NLRP14: variants seen among roughly 807,000 people sequenced by gnomAD.
NLRP14 encodes the protein NACHT, LRR and PYD domains-containing protein 14.
Under a neutral mutation model 94.7 loss-of-function variants are expected in NLRP14, and 105 were observed. The observed-to-expected ratio is 1.11, with a 90% CI of 0.95 to 1.30. The LOEUF (loss-of-function observed/expected upper bound fraction) is 1.30, where lower values mean the gene tolerates loss of function less well. NLRP14 is among the 50% of genes most tolerant of loss of function. The probability of loss-of-function intolerance (pLI) is 0.00; values close to 1 mark genes in which losing one functional copy is unlikely to be tolerated. For synonymous variants in NLRP14, 508 were observed against 459.9 expected (o/e 1.10, Z -1.34); for missense variants, 1,362 against 1,254.1 (o/e 1.09, Z -1.30).
At chr11:7,074,814 A>G (rs1360961891), downstream of NLRP14, among the ~76,000 whole-genome samples, 4 of 152,236 alleles carry the variant, frequency 2.6e-5, no homozygotes, top group African/African-American at 4.8e-5. Context: ...TAGTATTTAT[A>G]CATTTTCCTT....
intron 6 of NLRP14, among the ~76,000 whole-genome samples, chr11:7,057,416 G>T (rs970520364): frequency 6.6e-6 from 1 of 151,984 alleles, no homozygotes; most frequent in Non-Finnish European, 1.5e-5. Flanking sequence ...ATCATTTAAA[G>T]ATATTTTTGA....
chr11:7,057,118 A>C (rs1212566621), intron 6 of NLRP14, among the ~76,000 whole-genome samples: 2 of 152,048 alleles, frequency 1.3e-5, no homozygotes, highest in African/African-American at 4.8e-5. Context: ...GGTTGTCTCT[A>C]AATATGAGTC....
intron 6 of NLRP14, among the ~76,000 whole-genome samples, chr11:7,053,801 ACAATC>A (rs1274178668): frequency 8.5e-5 from 13 of 152,154 alleles, no homozygotes; most frequent in Non-Finnish European, 1.8e-4. Flanking sequence ...TTTGTATTAA[ACAATC>A]CAAGTATACT....
At chr11:7,080,631 C>T in the NLRP14 span, among the ~76,000 whole-genome samples, 14,100 of 152,232 alleles carry the variant, frequency 0.093, 700 homozygotes, top group Admixed American at 0.16. Flanking sequence ...GTTCAAGCCA[C>T]TCCACAAGTC....
intron 6 of NLRP14, among the ~76,000 whole-genome samples, chr11:7,050,045 T>C (rs368204610): frequency 3.3e-5 from 5 of 152,320 alleles, no homozygotes; most frequent in African/African-American, 1.2e-4. Context: ...AGATTTCTCA[T>C]TGTGTAGTTC....
intron 1 of NLRP14, among the ~76,000 whole-genome samples, chr11:7,033,778 TCA>T (rs1278972644): frequency 4.6e-5 from 7 of 152,234 alleles, no homozygotes; most frequent in Admixed American, 1.3e-4. Flanking sequence ...TGAAAGTTTC[TCA>T]GTCTTTCCTT....
the NLRP14 span, among the ~76,000 whole-genome samples, chr11:7,080,273 T>C: frequency 1.3e-5 from 2 of 152,156 alleles, no homozygotes; most frequent in African/African-American, 2.4e-5. Context: ...CAGAATAGAA[T>C]TGTAGGACAC....
the NLRP14 span, among the ~76,000 whole-genome samples, chr11:7,080,195 G>T: frequency 6.6e-6 from 1 of 152,214 alleles, no homozygotes; most frequent in Non-Finnish European, 1.5e-5. Context: ...GGCATCTGAA[G>T]TGAGGGCAGC....
the NLRP14 span, among the ~76,000 whole-genome samples, chr11:7,084,732 A>T: frequency 0.031 from 4,710 of 152,256 alleles, 136 homozygotes; most frequent in East Asian, 0.13. Context: ...ATAAGCCGGA[A>T]ATGTGTTTTC....
chr11:7,071,049 A>C, intron 11 of NLRP14, 124 bp from the exon 12 acceptor site: 2 of 1,039,648 alleles, frequency 1.9e-6, no homozygotes, highest in Non-Finnish European at 2.9e-6. Context: ...CACCCATGTT[A>C]TAATATTATC....
chr11:7,039,623 C>T (rs1166157881), intron 2 of NLRP14, 91 bp from the exon 3 acceptor site: 8 of 997,916 alleles, frequency 8.0e-6, no homozygotes, highest in Non-Finnish European at 1.3e-5. Context: ...AGAATTGGAC[C>T]ACTTATGTGA....
chr11:7,057,508 G>C (rs985193111), intron 6 of NLRP14, among the ~76,000 whole-genome samples, 169 bp from the exon 7 acceptor site: 6 of 152,002 alleles, frequency 3.9e-5, no homozygotes, highest in Non-Finnish European at 8.8e-5. Context: ...CCTTAACTCT[G>C]TCAGAGCCTT....
chr11:7,031,651 G>A (rs146529707), intron 1 of NLRP14, among the ~76,000 whole-genome samples: 51 of 152,312 alleles, frequency 3.3e-4, no homozygotes, highest in Non-Finnish European at 5.9e-4. Context: ...ATGGAGGCAA[G>A]CCCCTCGCCT....
Position 7,043,005 on chromosome 11 carries a change from C to A in NLRP14, c.979C>A (p.Leu327Ile). 1 of 1,614,082 alleles carries A rather than the reference C, an allele frequency of 6.2e-7. No homozygotes were observed. The highest frequency in any genetic ancestry group is 1.3e-5 in the African/African-American group (1 of 75,012). Residue 327 changes from leucine to isoleucine, a missense_variant, in exon 4 of 12, where the codon CTA becomes ATA. Leu to Ile is a conservative substitution (Grantham distance 5, BLOSUM62 2). Transcript: ENST00000299481. Reference sequence around the variant, plus strand: ...GTTGAAGAATCACCATTATGTAGAGCTACTAGGAATGTCTGAGGATGCAAG... The same window carrying A: ...GTTGAAGAATCACCATTATGTAGAGATACTAGGAATGTCTGAGGATGCAAG... ...QLLKNHHYVE[L>I]LGMSEDAREE... is the part of the protein sequence containing the mutation.
rs1156327234 is a variant in NLRP14 at position 7,058,281 on chromosome 11, T to G, written c.2464T>G (p.Leu822Val). 3.1e-6 allele frequency: 5 copies of G among 1,611,972 alleles called. No individual in the cohort carries two copies. The East Asian group carries it at 1.1e-4, about 36-fold the overall frequency. Residue 822 changes from leucine to valine, a missense_variant and splice_region_variant, in exon 8 of 12, where the codon TTA (leucine) becomes GTA (valine). By Grantham distance (32) the Leu-to-Val change is conservative. Transcript: ENST00000299481. Reference protein sequence around the residue: ...HPKCYLERLSLESCGLTEAGC... With the variant: ...HPKCYLERLSVESCGLTEAGC... ...TCTTCTCATCTCTTTCTCTTTCAGC[T>G]TAGAAAGCTGTGGTCTCACAGAGGC...
the NLRP14 span, among the ~76,000 whole-genome samples, chr11:7,080,501 T>C: frequency 5.9e-5 from 9 of 152,176 alleles, no homozygotes; most frequent in African/African-American, 2.2e-4. Context: ...TTTGTGTCTT[T>C]CCACAATGTC....
At chr11:7,086,467 T>C in the NLRP14 span, among the ~76,000 whole-genome samples, 1 of 152,246 alleles carries the variant, frequency 6.6e-6, no homozygotes, top group Non-Finnish European at 1.5e-5. Flanking sequence ...TTTTATTCTA[T>C]ACTGTGTGGG....
the NLRP14 span, chr11:7,090,005 A>T: frequency 6.2e-7 from 1 of 1,612,726 alleles, no homozygotes; most frequent in Admixed American, 1.7e-5. Flanking sequence ...CCGCCCCAGG[A>T]CGGGGGACAC....
chr11:7,090,576 C>T, the NLRP14 span: 1 of 469,502 alleles, frequency 2.1e-6, no homozygotes, highest in Non-Finnish European at 4.0e-6. Context: ...AGTAGAAATT[C>T]GATTAATGGC....
Sources: allele counts gnomAD v4.1 joint callset (sites outside exome capture counted in the v4.1 genomes callset), GRCh38; gene constraint gnomAD v4.1.1; transcripts MANE v1.5; gene names NCBI Gene and HGNC (gene_info 2026-07-23, HGNC 2026-07-21).